The following SKIL variants were observed in gnomAD, a reference collection of about 807,000 sequenced individuals.
SKIL encodes ski-like protein.
Under a neutral mutation model 69.6 loss-of-function variants are expected in SKIL, and 20 were observed. The observed-to-expected ratio is 0.29, with a 90% confidence interval of 0.20 to 0.42. The LOEUF is 0.42. SKIL is among the 10% of genes least tolerant of loss of function. The pLI, the probability that SKIL is intolerant of heterozygous loss-of-function variation, is 1.00. For synonymous variants in SKIL, 310 were observed against 279.9 expected, an observed-to-expected ratio of 1.11 and a Z score of -1.08; for missense variants, 745 against 783.1, an observed-to-expected ratio of 0.95 and a Z score of 0.58.
rs1255360289 is a variant in SKIL at position 170,393,523 on chromosome 3, TA to T, written c.*1108del. 2 of 152,212 alleles carry T rather than the reference TA, an allele frequency of 1.3e-5. No individual in the cohort carries two copies. Among genetic ancestry groups the T allele is most frequent in the Non-Finnish European group, 2.9e-5 (2 of 68,020 alleles). 9.4% of individuals were successfully genotyped at this position (152,212 alleles called of 1,614,324 possible). A position where few individuals can be genotyped will look rare whatever the true frequency, so the allele number is the denominator to read the frequency against. On this transcript the variant is annotated 3_prime_UTR_variant, in exon 7 of 7. Coordinates refer to ENST00000259119, the MANE Select transcript of SKIL (RefSeq NM_005414.5). Reference sequence around the variant, plus strand: ...TACCTGCTACTAAAAGATTTTTAGATAAGTTTTAGAAGATAAAGGAATTCCA... The same window carrying T: ...TACCTGCTACTAAAAGATTTTTAGATAGTTTTAGAAGATAAAGGAATTCCA...
intron 1 of SKIL, among the ~76,000 whole-genome samples, chr3:170,359,424 C>G (rs963659998): frequency 6.6e-6 from 1 of 151,878 alleles, no homozygotes; most frequent in East Asian, 1.9e-4. Context: ...GGTGAAACCC[C>G]GTTTCTACTA....
chr3:170,388,956 A>G (rs951602595), intron 4 of SKIL, among the ~76,000 whole-genome samples: 1 of 150,956 alleles, frequency 6.6e-6, no homozygotes, highest in Non-Finnish European at 1.5e-5. Context: ...TGCAACCTCC[A>G]CCTCCCGGGT....
intron 2 of SKIL, among the ~76,000 whole-genome samples, chr3:170,373,170 T>A (rs932182295): frequency 6.6e-6 from 1 of 151,788 alleles, no homozygotes; most frequent in Non-Finnish European, 1.5e-5. Context: ...CTAATTTTTT[T>A]ATTTATTTTT....
chr3:170,381,199 A>T, intron 2 of SKIL, 45 bp from the exon 3 acceptor site: 1 of 1,052,992 alleles, frequency 9.5e-7, no homozygotes, highest in Non-Finnish European at 1.5e-6. Flanking sequence ...ATTAACCTTC[A>T]CAGTTTTACT....
intron 2 of SKIL, among the ~76,000 whole-genome samples, chr3:170,374,228 T>A (rs1413137939): frequency 6.6e-6 from 1 of 150,810 alleles, no homozygotes; most frequent in African/African-American, 2.4e-5. Flanking sequence ...TTGTTTAAAT[T>A]GTACATTCAT....
chr3:170,384,928 A>G, intron 4 of SKIL, 163 bp downstream of exon 4: 1 of 534,262 alleles, frequency 1.9e-6, no homozygotes, highest in Non-Finnish European at 3.3e-6. Context: ...TTTTAATCTC[A>G]GTTGCTATAC....
chr3:170,394,570 G>A lies in SKIL; in HGVS notation c.*2153G>A, dbSNP rs1214773417. ...GCTTAATCCTTGAAATATGTTATTG[G>A]AAAATTTTAAGCAGTGCTTAAACAC... On this transcript the variant is annotated 3_prime_UTR_variant, in exon 7 of 7. Coordinates refer to ENST00000259119, the MANE Select transcript of SKIL (RefSeq NM_005414.5). The A allele has an allele frequency of 6.6e-6, 1 of 151,950 alleles. No homozygotes were observed. Among genetic ancestry groups the A allele is most frequent in the African/African-American group, 2.4e-5 (1 of 41,382 alleles). The allele number at this position is 151,950 out of a possible 1,614,324, so 9.4% of individuals were successfully genotyped here. A position where few individuals can be genotyped will look rare whatever the true frequency, so the allele number is the denominator to read the frequency against.
chr3:170,381,160 C>T, intron 2 of SKIL, 84 bp from the exon 3 acceptor site: 1 of 764,034 alleles, frequency 1.3e-6, no homozygotes, highest in Non-Finnish European at 2.4e-6. Flanking sequence ...TTGTCTTTAC[C>T]CAGTGGCCCA....
intron 2 of SKIL, among the ~76,000 whole-genome samples, chr3:170,377,028 G>C (rs1737064750): frequency 6.6e-6 from 1 of 152,148 alleles, no homozygotes; most frequent in African/African-American, 2.4e-5. Flanking sequence ...TTTGCATCTT[G>C]TAATTTTCCT....
chr3:170,391,285 G>A (rs1349448201), intron 6 of SKIL, 25 bp downstream of exon 6: 6 of 1,303,624 alleles, frequency 4.6e-6, no homozygotes, highest in Non-Finnish European at 6.5e-6. Flanking sequence ...TTGTATAATG[G>A]TGCCCTTTCA....
At chr3:170,388,884 T>TTATTTATTTATG (rs375843473) in intron 4 of SKIL, among the ~76,000 whole-genome samples, 4,473 of 144,592 alleles carry the variant, frequency 0.031, 342 homozygotes, top group African/African-American at 0.074. Context: ...ATTTATTTAT[T>TTATTTATTTATG]TTTGAGACAG....
In SKIL at chr3:170,390,331, C is replaced by A; in HGVS notation, c.1538C>A (p.Ser513Ter). 6.2e-7 allele frequency: 1 copy of A among 1,614,072 alleles called. No individual in the cohort carries two copies. Among genetic ancestry groups the A allele is most frequent in the Non-Finnish European group, 8.5e-7 (1 of 1,179,998 alleles). The change falls in exon 5 of 7, where the codon TCA (serine) becomes TAA (stop). Residue 513 changes from serine (S) to a stop codon, truncating the protein, a stop_gained. Transcript: ENST00000259119. LOFTEE classifies it high-confidence loss of function. ...GGAATTGGCCTTGTTGCTGCCGCTT[C>A]ATCTCCGCTTCTTGTGAAAGATGTC... ...KVGIGLVAAA[S>*]SPLLVKDVIC...
At chr3:170,389,199 C>T (rs1386675771) in intron 4 of SKIL, among the ~76,000 whole-genome samples, 1 of 151,698 alleles carries the variant, frequency 6.6e-6, no homozygotes, top group Non-Finnish European at 1.5e-5. Context: ...AGGGTTGTAG[C>T]TCTTACATTT....
chr3:170,387,817 C>CCAG lies in SKIL; in HGVS notation c.1430-2404_1430-2402dup, dbSNP rs1434736416. Among the ~76,000 whole-genome samples, 230 of 141,578 alleles carry CCAG rather than the reference C, an allele frequency of 1.6e-3. 2 individuals carry two copies. The highest frequency in any genetic ancestry group is 5.5e-3 in the African/African-American group (219 of 39,488). 92.9% of individuals were successfully genotyped at this position (141,578 alleles called of 152,430 possible). A position where few individuals can be genotyped will look rare whatever the true frequency, so the allele number is the denominator to read the frequency against. ...GGCGTAGTGGCGGGCGCCTGTAGTCCCAGCTACTTGGGAGGCTGAGGCAGG... is the reference window on the plus strand; with the variant it reads ...GGCGTAGTGGCGGGCGCCTGTAGTCCCAGCAGCTACTTGGGAGGCTGAGGCAGG... On this transcript the variant is annotated intron_variant, in intron 4 of 6. Transcript: ENST00000259119.
intron 2 of SKIL, among the ~76,000 whole-genome samples, chr3:170,377,508 C>T (rs140461277): frequency 0.014 from 1,383 of 102,004 alleles, 9 homozygotes; most frequent in Non-Finnish European, 0.021. Context: ...ATTTTGAGGT[C>T]TTATTAGTAT....
intron 2 of SKIL, among the ~76,000 whole-genome samples, chr3:170,370,185 G>A (rs1382996468): frequency 6.6e-6 from 1 of 152,094 alleles, no homozygotes; most frequent in Non-Finnish European, 1.5e-5. Flanking sequence ...CTTGCAGTGA[G>A]CCGAGATCGC....
Position 170,396,075 on chromosome 3 carries a change from A to G in SKIL, c.*3658A>G, listed in dbSNP as rs1351366970. On this transcript the variant is annotated 3_prime_UTR_variant, in exon 7 of 7. Coordinates refer to ENST00000259119, the MANE Select transcript of SKIL (RefSeq NM_005414.5). ...TTCTAAACTGTATAATGTAATTTGG[A>G]GCCTATTTAGTAATAGAATTAAATG... 6.7e-6 allele frequency: 1 copy of G among 149,496 alleles called. No homozygotes were observed. Among genetic ancestry groups the G allele is most frequent in the African/African-American group, 2.5e-5 (1 of 40,596 alleles). 9.3% of individuals were successfully genotyped at this position (149,496 alleles called of 1,614,324 possible).
In SKIL at chr3:170,384,525, G is replaced by A. The variant is rs1488342234; in HGVS notation, c.1197-8G>A. The stretch of plus-strand genomic sequence containing the variant: ...TATATGTCTTGTTTTGCTTTTACTT[G>A]TTTTCAGCTACTACTTATACATGTG... On this transcript the variant is annotated splice_polypyrimidine_tract_variant and splice_region_variant and intron_variant, in intron 3 of 6. Transcript: ENST00000259119. The A allele has an allele frequency of 2.2e-6, 3 of 1,373,818 alleles. No homozygotes were observed. Among genetic ancestry groups the A allele is most frequent in the East Asian group, 2.3e-5 (1 of 43,296 alleles). The allele number at this position is 1,373,818 out of a possible 1,614,324, so 85.1% of individuals were successfully genotyped here. A position where few individuals can be genotyped will look rare whatever the true frequency, so the allele number is the denominator to read the frequency against.
intron 2 of SKIL, among the ~76,000 whole-genome samples, chr3:170,364,837 C>T (rs1736424207): frequency 1.3e-5 from 2 of 152,004 alleles, no homozygotes; most frequent in Admixed American, 6.6e-5. Context: ...CTTTTTGTCC[C>T]AGAATTCACT....
Sources: allele counts gnomAD v4.1 joint callset (sites outside exome capture counted in the v4.1 genomes callset), GRCh38; gene constraint gnomAD v4.1.1; transcripts MANE v1.5; gene names NCBI Gene and HGNC (gene_info 2026-07-23, HGNC 2026-07-21).